The following ARHGAP20 variants were observed in gnomAD, a reference collection of about 807,000 sequenced individuals.
ARHGAP20 encodes the protein rho GTPase-activating protein 20.
In ARHGAP20, 34 loss-of-function variants were observed where a neutral mutation model predicts 73.7. The observed-to-expected ratio is 0.46, with a 90% CI of 0.35 to 0.61. The LOEUF (loss-of-function observed/expected upper bound fraction) is 0.61, where lower values mean the gene tolerates loss of function less well. ARHGAP20 is among the 20% of genes least tolerant of loss of function. The probability of loss-of-function intolerance (pLI) is 0.00; values close to 1 mark genes in which losing one functional copy is unlikely to be tolerated. For missense variants in ARHGAP20, 1,314 were observed against 1,420.9 expected (o/e 0.92, Z 1.21); for synonymous variants, 523 against 518.2 (o/e 1.01, Z -0.13).
intron 10 of ARHGAP20, 64 bp downstream of exon 10, chr11:110,591,913 C>T (rs1947837770): frequency 6.5e-7 from 1 of 1,528,636 alleles, no homozygotes; most frequent in Non-Finnish European, 8.9e-7. Context: ...ACAGATTTAC[C>T]TCGCAGAGCT....
chr11:110,604,112 G>C (rs1948169115), intron 9 of ARHGAP20, among the ~76,000 whole-genome samples: 1 of 152,050 alleles, frequency 6.6e-6, no homozygotes. Flanking sequence ...TAATATCCTT[G>C]ATTTGCAATA....
chr11:110,586,731 T>C (rs767137503), intron 11 of ARHGAP20, among the ~76,000 whole-genome samples: 3 of 152,232 alleles, frequency 2.0e-5, no homozygotes, highest in Non-Finnish European at 4.4e-5. Context: ...TAGTCATTCA[T>C]TGAATCATTC....
chr11:110,592,981 C>T (rs185267186), intron 9 of ARHGAP20, among the ~76,000 whole-genome samples: 3 of 151,952 alleles, frequency 2.0e-5, no homozygotes. Flanking sequence ...AATATAATGT[C>T]ATGAGGTAGG....
intron 2 of ARHGAP20, among the ~76,000 whole-genome samples, chr11:110,659,079 A>G (rs1949538792): frequency 6.7e-6 from 1 of 150,018 alleles, no homozygotes; most frequent in East Asian, 2.0e-4. Flanking sequence ...ATACCCAGTA[A>G]TGGGATGGCT....
chr11:110,673,943 T>C (rs867589860), intron 2 of ARHGAP20, among the ~76,000 whole-genome samples: 1 of 94,020 alleles, frequency 1.1e-5, no homozygotes, highest in African/African-American at 6.0e-5. Context: ...CGAAGGCTAT[T>C]TTTTTTTTTT....
At chr11:110,695,691 G>A (rs1344890870) in intron 1 of ARHGAP20, among the ~76,000 whole-genome samples, 2 of 151,534 alleles carry the variant, frequency 1.3e-5, no homozygotes, top group African/African-American at 4.8e-5. Context: ...TGTTGGTGAG[G>A]ATTGGAGACT....
At chr11:110,608,934 T>G in intron 8 of ARHGAP20, 50 bp downstream of exon 8, 1 of 1,494,120 alleles carries the variant, frequency 6.7e-7, no homozygotes, top group Non-Finnish European at 9.3e-7. Flanking sequence ...ACACTTAGAA[T>G]TATAATTAAA....
chr11:110,626,317 C>T (rs901624392), intron 3 of ARHGAP20, among the ~76,000 whole-genome samples: 1 of 152,162 alleles, frequency 6.6e-6, no homozygotes, highest in African/African-American at 2.4e-5. Flanking sequence ...TCCCAAAGAT[C>T]CTTTCCCTAG....
intron 1 of ARHGAP20, among the ~76,000 whole-genome samples, chr11:110,700,160 G>T (rs1950416090): frequency 6.6e-6 from 1 of 151,900 alleles, no homozygotes; most frequent in South Asian, 2.1e-4. Context: ...CAAAAGGAAG[G>T]AACTGGATGA....
intron 5 of ARHGAP20, among the ~76,000 whole-genome samples, chr11:110,615,084 G>A (rs1948455193): frequency 6.6e-6 from 1 of 152,168 alleles, no homozygotes; most frequent in Non-Finnish European, 1.5e-5. Context: ...GAGGGAGAGA[G>A]GACAGGAGGG....
At chr11:110,624,756 A>C (rs1948701040) in intron 3 of ARHGAP20, among the ~76,000 whole-genome samples, 1 of 152,194 alleles carries the variant, frequency 6.6e-6, no homozygotes, top group Non-Finnish European at 1.5e-5. Flanking sequence ...AGTAAACTAA[A>C]AAAGGGTTGG....
chr11:110,584,666 A>G (rs1044259488), intron 12 of ARHGAP20, among the ~76,000 whole-genome samples: 8 of 152,014 alleles, frequency 5.3e-5, no homozygotes, highest in African/African-American at 9.7e-5. Context: ...ATTTTTCACA[A>G]TAAGAGCTAT....
intron 2 of ARHGAP20, among the ~76,000 whole-genome samples, chr11:110,648,724 C>G (rs1949283312): frequency 6.6e-6 from 1 of 152,164 alleles, no homozygotes; most frequent in East Asian, 1.9e-4. Context: ...CTCGAGAGAT[C>G]CACCTGCCTA....
At chr11:110,655,105 G>GCA (rs1241992620) in intron 2 of ARHGAP20, among the ~76,000 whole-genome samples, 4 of 152,136 alleles carry the variant, frequency 2.6e-5, no homozygotes, top group African/African-American at 9.7e-5. Context: ...AAGCTAAGTA[G>GCA]TCAGCTTTCT....
At chr11:110,585,792 C>CTGA (rs1411607986) in intron 12 of ARHGAP20, among the ~76,000 whole-genome samples, 1 of 152,130 alleles carries the variant, frequency 6.6e-6, no homozygotes, top group Non-Finnish European at 1.5e-5. Flanking sequence ...TCTTCTAGCA[C>CTGA]TGATTGTACT....
intron 2 of ARHGAP20, among the ~76,000 whole-genome samples, chr11:110,689,693 T>A (rs1480836950): frequency 6.6e-6 from 1 of 152,126 alleles, no homozygotes; most frequent in Non-Finnish European, 1.5e-5. Flanking sequence ...TGATGGTCGG[T>A]GGTTGTTAAC....
intron 2 of ARHGAP20, among the ~76,000 whole-genome samples, chr11:110,685,712 C>T (rs1233946180): frequency 2.0e-5 from 3 of 152,112 alleles, no homozygotes; most frequent in African/African-American, 7.2e-5. Flanking sequence ...GCTTTGTCAT[C>T]TACAAGTCAT....
chr11:110,642,525 C>G (rs1949098722), intron 2 of ARHGAP20, among the ~76,000 whole-genome samples: 1 of 151,958 alleles, frequency 6.6e-6, no homozygotes, highest in African/African-American at 2.4e-5. Context: ...GAAAGCTTTT[C>G]CTGTGTTTAT....
chr11:110,712,099 G>A, intron 1 of ARHGAP20, 28 bp downstream of exon 1: 2 of 1,282,262 alleles, frequency 1.6e-6, no homozygotes, highest in Non-Finnish European at 2.0e-6. Flanking sequence ...GGCGGCGGAG[G>A]GCACGGGCCC....
Sources: gnomAD v4.1 joint callset for allele counts (sites outside exome capture counted in the v4.1 genomes callset) on GRCh38, gnomAD v4.1.1 for gene constraint, MANE v1.5 for transcripts, NCBI Gene and HGNC (gene_info 2026-07-23, HGNC 2026-07-21) for gene names.